Variants in PSD3 observed in about 807,000 individuals in gnomAD.
PSD3 encodes the protein pleckstrin and Sec7 domain containing 3.
PSD3 carries 49 observed loss-of-function variants against 105.5 expected under a neutral mutation model. The ratio of observed to expected loss-of-function variants is 0.46; its 90% CI spans 0.37 to 0.59. The LOEUF is 0.59. PSD3 is among the 20% of genes least tolerant of loss of function. The pLI, the probability that PSD3 is intolerant of heterozygous loss-of-function variation, is 0.00. For synonymous variants in PSD3, 557 were observed against 457.8 expected (o/e 1.22, Z -2.77); for missense variants, 1,561 against 1,263.8 (o/e 1.24, Z -3.57).
At chr8:18,710,772 C>T (rs369686130) in intron 9 of PSD3, among the ~76,000 whole-genome samples, 19 of 152,130 alleles carry the variant, frequency 1.2e-4, no homozygotes, top group African/African-American at 4.3e-4. Context: ...ACGTCCAACT[C>T]CCAGGTTCAA....
At chr8:18,915,276 C>A (rs1387507639) in intron 2 of PSD3, among the ~76,000 whole-genome samples, 3 of 152,106 alleles carry the variant, frequency 2.0e-5, no homozygotes, top group Admixed American at 2.0e-4. Flanking sequence ...TCTTGACACT[C>A]GTCTAGGCCA....
At chr8:19,057,323 C>T (rs965911402) in intron 1 of PSD3, among the ~76,000 whole-genome samples, 1 of 152,126 alleles carries the variant, frequency 6.6e-6, no homozygotes, top group African/African-American at 2.4e-5. Flanking sequence ...TGGTTTCACC[C>T]CCATCTTTCC....
rs1311478983 is a variant in PSD3 at position 18,619,239 on chromosome 8, T to C, written c.2410+13374A>G. 2.0e-5 allele frequency among the ~76,000 whole-genome samples: 3 copies of C among 151,946 alleles called. No homozygotes were observed. In the East Asian group the frequency reaches 5.8e-4, roughly 29 times the overall value. On this transcript the variant is annotated intron_variant, in intron 11 of 15. Transcript: ENST00000327040. ...GGAAGTTCAGATGCACCTCCTTATA[T>C]CCACTTCCTTTTCAAGTTCAGGCCC...
intron 4 of PSD3, among the ~76,000 whole-genome samples, chr8:18,811,205 A>C (rs565805840): frequency 6.6e-6 from 1 of 152,188 alleles, no homozygotes; most frequent in African/African-American, 2.4e-5. Flanking sequence ...GAAACAGGCA[A>C]TAGTATAACC....
intron 11 of PSD3, among the ~76,000 whole-genome samples, chr8:18,602,151 G>C (rs1394590360): frequency 6.6e-6 from 1 of 152,040 alleles, no homozygotes; most frequent in Non-Finnish European, 1.5e-5. Flanking sequence ...GGCTTTCCCC[G>C]AGCCCTAAAA....
chr8:18,846,623 A>T (rs1462145789), intron 4 of PSD3, among the ~76,000 whole-genome samples: 1 of 152,140 alleles, frequency 6.6e-6, no homozygotes, highest in Non-Finnish European at 1.5e-5. Context: ...ACCAAAAGTA[A>T]CAATCAACTT....
intron 4 of PSD3, among the ~76,000 whole-genome samples, chr8:18,814,735 C>A (rs1812058596): frequency 6.6e-6 from 1 of 152,120 alleles, no homozygotes; most frequent in Non-Finnish European, 1.5e-5. Context: ...GATCAGTGAG[C>A]CCCATTTCCG....
chr8:18,744,537 C>T (rs542208189), intron 9 of PSD3, among the ~76,000 whole-genome samples: 36 of 152,286 alleles, frequency 2.4e-4, no homozygotes, highest in African/African-American at 8.2e-4. Flanking sequence ...TACAATGCTG[C>T]TTTTAATGTC....
chr8:18,602,387 T>G (rs997193876), intron 11 of PSD3, among the ~76,000 whole-genome samples: 1 of 152,128 alleles, frequency 6.6e-6, no homozygotes, highest in African/African-American at 2.4e-5. Flanking sequence ...GTCAGTTACT[T>G]AGTAACTGAC....
intron 11 of PSD3, among the ~76,000 whole-genome samples, chr8:18,622,120 A>C (rs1806158732): frequency 6.6e-6 from 1 of 152,244 alleles, no homozygotes; most frequent in African/African-American, 2.4e-5. Context: ...TGAAAAGCTG[A>C]ACCACACATA....
intron 9 of PSD3, among the ~76,000 whole-genome samples, chr8:18,673,912 CAGG>C (rs1396732676): frequency 6.6e-6 from 1 of 152,080 alleles, no homozygotes; most frequent in Non-Finnish European, 1.5e-5. Flanking sequence ...GAGGCCAAGG[CAGG>C]AGGATTGCTT....
intron 14 of PSD3, among the ~76,000 whole-genome samples, chr8:18,566,525 C>CA (rs372562835): frequency 1.3e-4 from 17 of 130,696 alleles, no homozygotes; most frequent in African/African-American, 4.9e-4. Context: ...GACTCTGTCT[C>CA]AAAAAAAAAA....
intron 4 of PSD3, chr8:18,808,955 C>T (rs1052555974): frequency 1.6e-5 from 23 of 1,428,618 alleles, no homozygotes; most frequent in African/African-American, 8.7e-5. Flanking sequence ...TTCATTGTTG[C>T]GGTTTCTGTA....
At chr8:18,736,585 T>G (rs1804168933) in intron 9 of PSD3, among the ~76,000 whole-genome samples, 1 of 152,186 alleles carries the variant, frequency 6.6e-6, no homozygotes, top group Non-Finnish European at 1.5e-5. Flanking sequence ...AGTTCCCTCC[T>G]TTGATCATCA....
At chr8:18,880,219 T>C (rs1346367270) in intron 2 of PSD3, among the ~76,000 whole-genome samples, 1 of 152,156 alleles carries the variant, frequency 6.6e-6, no homozygotes, top group African/African-American at 2.4e-5. Context: ...AAGACCAAAT[T>C]ATTGTTTTAA....
chr8:18,696,814 T>A (rs960921111), intron 9 of PSD3, among the ~76,000 whole-genome samples: 24 of 152,304 alleles, frequency 1.6e-4, no homozygotes, highest in African/African-American at 5.5e-4. Context: ...AATGGTACTG[T>A]CCAATAGAAG....
At chr8:18,919,419 C>G (rs1820843073) in intron 2 of PSD3, among the ~76,000 whole-genome samples, 1 of 152,072 alleles carries the variant, frequency 6.6e-6, no homozygotes, top group Admixed American at 6.5e-5. Flanking sequence ...AAGCAGCCAT[C>G]CAAGGACTAC....
At chr8:18,772,081 C>A (rs1255105028) in intron 8 of PSD3, among the ~76,000 whole-genome samples, 1 of 152,128 alleles carries the variant, frequency 6.6e-6, no homozygotes, top group Non-Finnish European at 1.5e-5. Context: ...TAAGGCTGAA[C>A]GATTTTCCAT....
At chr8:19,067,855 T>C (rs1325285599) in intron 1 of PSD3, among the ~76,000 whole-genome samples, 3 of 152,218 alleles carry the variant, frequency 2.0e-5, no homozygotes, top group African/African-American at 7.2e-5. Context: ...CTTGGAGGAA[T>C]GTTCCTGGCA....
Sources: gnomAD v4.1 joint callset for allele counts (sites outside exome capture counted in the v4.1 genomes callset) on GRCh38, gnomAD v4.1.1 for gene constraint, MANE v1.5 for transcripts, NCBI Gene and HGNC (gene_info 2026-07-23, HGNC 2026-07-21) for gene names.